Variants in CILP observed in about 807,000 individuals in gnomAD.
The protein encoded by CILP is cartilage intermediate layer protein.
A neutral mutation model predicts 82.5 loss-of-function variants in CILP; 75 were observed. The ratio of observed to expected loss-of-function variants is 0.91; its 90% CI spans 0.75 to 1.10. The LOEUF is 1.10. CILP is among the 50% of genes least tolerant of loss of function. The pLI is 0.00. For missense variants in CILP, 1,479 were observed against 1,530.8 expected (o/e 0.97, Z 0.56); for synonymous variants, 530 against 580.3 (o/e 0.91, Z 1.25).
In CILP at chr15:65,198,309, C is replaced by T. The variant is rs1171142109; in HGVS notation, c.1977G>A (p.Met659Ile). ...CCTCATCTCTGAAGTCCACAGAGAA[C>T]ATGCCATACGTCCGAAGGGGGAAAG... Reference protein sequence around the residue: ...GDTFPLRTYGMFSVDFRDEVT... With the variant: ...GDTFPLRTYGIFSVDFRDEVT... Residue 659 changes from methionine (M) to isoleucine (I), a missense_variant, in exon 9 of 9, where the codon ATG becomes ATA. Met to Ile is a conservative substitution (Grantham distance 10). Coordinates refer to ENST00000261883, the MANE Select transcript of CILP (RefSeq NM_003613.4). 6 of 1,614,108 alleles carry T rather than the reference C, an allele frequency of 3.7e-6. No individual in the cohort carries two copies. The highest frequency in any genetic ancestry group is 1.1e-5 in the South Asian group (1 of 91,096).
rs971314078 is a variant in CILP, at chr15:65,201,829, C to A, written c.1186+43G>T. The A allele has an allele frequency of 2.1e-6, 3 of 1,423,766 alleles. No individual in the cohort carries two copies. In the African/African-American group the frequency reaches 4.4e-5, roughly 21 times the overall value. 88.2% of individuals were successfully genotyped at this position (1,423,766 alleles called of 1,614,324 possible). On this transcript the variant is annotated intron_variant, in intron 8 of 8. Transcript: ENST00000261883. ...ATGCCCACCTGGGTGCTCAGCCAAC[C>A]CTGTTGCAGACCCAGGGGCCCCAGG...
rs1357351414 is a variant in CILP at position 65,197,150 on chromosome 15, G to A, written c.3136C>T (p.Leu1046=). ...ASVNPMLHEY[L]VNHLPLAVNN... Reference sequence around the variant, plus strand: ...ACTGCAAGTGGCAAGTGGTTGACCAGGTACTCATGCAGCATGGGGTTCACA... The same window carrying A: ...ACTGCAAGTGGCAAGTGGTTGACCAAGTACTCATGCAGCATGGGGTTCACA... The change falls in exon 9 of 9, where the codon CTG becomes TTG. Residue 1046 remains leucine, a synonymous_variant. Transcript: ENST00000261883. The A allele has an allele frequency of 3.7e-6, 6 of 1,614,040 alleles. No homozygotes were observed. The highest frequency in any genetic ancestry group is 5.1e-6 in the Non-Finnish European group (6 of 1,179,978).
Position 65,205,466 on chromosome 15 carries a change from C to A in CILP, c.425G>T (p.Gly142Val). The A allele has an allele frequency of 6.2e-7, 1 of 1,603,362 alleles. No individual in the cohort carries two copies. Among genetic ancestry groups the A allele is most frequent in the South Asian group, 1.1e-5 (1 of 90,496 alleles). Residue 142 changes from glycine (G) to valine (V), a missense_variant and splice_region_variant, in exon 5 of 9, where the codon GGA becomes GTA. Physicochemically the swap from Gly to Val is moderately radical, Grantham distance 109. Transcript: ENST00000261883. ...NYTVRFLCPP[G>V]SLRRDTERIW... ...GCGCTCTGTGTCTCGGCGCAGGGAT[C>A]CTGCAAAGTGAGATCAGCAGACGGT...
Position 65,207,704 on chromosome 15 carries a change from C to T in CILP, c.122G>A (p.Ser41Asn). 3.7e-6 allele frequency: 6 copies of T among 1,614,150 alleles called. No homozygotes were observed. The highest frequency in any genetic ancestry group is 5.1e-6 in the Non-Finnish European group (6 of 1,180,018). Residue 41 changes from serine to asparagine, a missense_variant, in exon 3 of 9, where the codon AGC (serine) becomes AAC (asparagine). Physicochemically the swap from Ser to Asn is conservative, Grantham distance 46. Transcript: ENST00000261883. The stretch of plus-strand genomic sequence containing the variant: ...GGTGTCGGCAGGCTTGGCAAAGATG[C>T]TGGGGTTCTTCTTCCCAGGCTGGAC... ...RRVQPGKKNP[S>N]IFAKPADTLE...
Position 65,203,380 on chromosome 15 carries a change from C to G in CILP, c.1010G>C (p.Arg337Thr), listed in dbSNP as rs1373640539. ...TACGCACCAAAAATACTTGTCTGGC[C>G]TGGGCTTCCCTGTGGCCTTACAGCA... is the stretch of plus-strand genomic sequence containing the variant. ...SLCCKATGKP[R>T]PDKYFWYHND... Residue 337 changes from arginine to threonine, a missense_variant, in exon 7 of 9, where the codon AGG becomes ACG. Physicochemically the swap from Arg to Thr is moderately conservative, Grantham distance 71. Coordinates refer to ENST00000261883, the MANE Select transcript of CILP (RefSeq NM_003613.4). The G allele has an allele frequency of 1.9e-6, 3 of 1,613,510 alleles. No individual in the cohort carries two copies. The East Asian group carries it at 6.7e-5, about 36-fold the overall frequency.
intron 8 of CILP, 100 bp from the exon 9 acceptor site, chr15:65,199,199 G>T: frequency 1.3e-6 from 1 of 777,610 alleles, no homozygotes; most frequent in Non-Finnish European, 2.0e-6. Context: ...GTTTTCAAAG[G>T]ACTTGTATAT....
At chr15:65,209,576 G>T in intron 2 of CILP, 119 bp downstream of exon 2, 1 of 796,278 alleles carries the variant, frequency 1.3e-6, no homozygotes, top group Non-Finnish European at 2.1e-6. Flanking sequence ...CCATAAAGTG[G>T]CCTCAGGTCT....
intron 4 of CILP, 66 bp from the exon 5 acceptor site, chr15:65,205,532 C>A: frequency 6.9e-7 from 1 of 1,444,820 alleles, no homozygotes; most frequent in Non-Finnish European, 9.3e-7. Flanking sequence ...GAAATCTGAC[C>A]CTGAGGCTGT....
At position 65,207,074 on chromosome 15, in the gene CILP, G is replaced by A. The variant is rs373428149; in HGVS notation, c.155-23C>T. 144 of 1,599,914 alleles carry A rather than the reference G, an allele frequency of 9.0e-5. 1 individual carries two copies. The highest frequency in any genetic ancestry group is 2.8e-4 in the South Asian group (25 of 90,532). ...GGCCTGAGAGACATAGCCAAATTGC[G>A]GAGGAGCCGTGATCCTGGTGCGCTC... On this transcript the variant is annotated intron_variant, in intron 3 of 8. Coordinates refer to ENST00000261883, the MANE Select transcript of CILP (RefSeq NM_003613.4).
At chr15:65,199,552 G>C (rs1305888157) in intron 8 of CILP, among the ~76,000 whole-genome samples, 1 of 152,244 alleles carries the variant, frequency 6.6e-6, no homozygotes, top group African/African-American at 2.4e-5. Flanking sequence ...GCCGGATGCA[G>C]TGGCTCACAC....
intron 5 of CILP, among the ~76,000 whole-genome samples, chr15:65,205,046 C>A (rs2088502070): frequency 6.6e-6 from 1 of 151,744 alleles, no homozygotes. Flanking sequence ...AACAACTTAG[C>A]CCAAAACACC....
In CILP at chr15:65,195,708, A is replaced by G. The variant is rs1217717035; in HGVS notation, c.*1023T>C. 1 of 152,272 alleles carries G rather than the reference A, an allele frequency of 6.6e-6. No individual in the cohort carries two copies. Among genetic ancestry groups the G allele is most frequent in the Non-Finnish European group, 1.5e-5 (1 of 68,052 alleles). The allele number at this position is 152,272 out of a possible 1,614,324, so 9.4% of individuals were successfully genotyped here. A position where few individuals can be genotyped will look rare whatever the true frequency, so the allele number is the denominator to read the frequency against. ...GGCCAGCTTGTCAGACCCTGGGCCA[A>G]GCCATTGTATAAGCTCCAAAGTATT... is the stretch of plus-strand genomic sequence containing the variant. On this transcript the variant is annotated 3_prime_UTR_variant, in exon 9 of 9. Transcript: ENST00000261883.
intron 3 of CILP, 31 bp from the exon 4 acceptor site, chr15:65,207,082 C>G (rs183638630): frequency 4.4e-6 from 7 of 1,595,830 alleles, no homozygotes; most frequent in African/African-American, 4.0e-5. Context: ...GCGGAGGAGC[C>G]GTGATCCTGG....
At chr15:65,208,734 G>A (rs2088549242) in intron 2 of CILP, among the ~76,000 whole-genome samples, 1 of 152,240 alleles carries the variant, frequency 6.6e-6, no homozygotes, top group South Asian at 2.1e-4. Flanking sequence ...GAGGGCTGCA[G>A]AAGCTTTGAC....
Position 65,196,815 on chromosome 15 carries a change from TCG to T in CILP, c.3469_3470del (p.Arg1157SerfsTer19). 6.2e-7 allele frequency: 1 copy of T among 1,609,914 alleles called. No homozygotes were observed. Among genetic ancestry groups the T allele is most frequent in the Non-Finnish European group, 8.5e-7 (1 of 1,177,180 alleles). Reference sequence around the variant, plus strand: ...CCTGGCGCTGGCCACCCCTGCTCGCTCGCTGCTGCCTCCTCGAGGGCACTCTT... The same window carrying T: ...CCTGGCGCTGGCCACCCCTGCTCGCTCTGCTGCCTCCTCGAGGGCACTCTT... ...QGRVPSRRQQ[R>X]ASRGGQRQGG... On this transcript the variant is annotated frameshift_variant, in exon 9 of 9. Coordinates refer to ENST00000261883, the MANE Select transcript of CILP (RefSeq NM_003613.4). LOFTEE classifies it low-confidence loss of function (END_TRUNC).
chr15:65,205,375 A>T lies in CILP; in HGVS notation c.516T>A (p.Thr172=). 1 of 1,614,098 alleles carries T rather than the reference A, an allele frequency of 6.2e-7. No individual in the cohort carries two copies. The highest frequency in any genetic ancestry group is 1.3e-5 in the African/African-American group (1 of 75,050). ...TCTCTGCCAAGCAAATGCGTGTGCGAGTCTGGACCCCAGTCTGACCACAGG... is the reference window on the plus strand; with the variant it reads ...TCTCTGCCAAGCAAATGCGTGTGCGTGTCTGGACCCCAGTCTGACCACAGG... The part of the protein sequence containing the change: ...SAACGQTGVQ[T]RTRICLAEMV... The change falls in exon 5 of 9, where the codon ACT becomes ACA. Residue 172 remains threonine, a synonymous_variant. Transcript: ENST00000261883.
chr15:65,205,987 G>A (rs1003545476), intron 4 of CILP, among the ~76,000 whole-genome samples: 7 of 152,166 alleles, frequency 4.6e-5, no homozygotes, highest in African/African-American at 1.4e-4. Flanking sequence ...CACCACTGGC[G>A]TCTGGGCCTG....
chr15:65,204,279 A>C lies in CILP; in HGVS notation c.908T>G (p.Phe303Cys), dbSNP rs749851177. ...SLKAATIKAEFVRAETPYMVM... is the reference protein window; with the variant it reads ...SLKAATIKAECVRAETPYMVM... ...AAGAATTTAGTTACCTGCCCTCACA[A>C]ACTCTGCCTTGATGGTGGCTGCCTT... Residue 303 changes from phenylalanine (F) to cysteine (C), a missense_variant, in exon 6 of 9, where the codon TTT (phenylalanine) becomes TGT (cysteine). Coordinates refer to ENST00000261883, the MANE Select transcript of CILP (RefSeq NM_003613.4). 1.2e-6 allele frequency: 2 copies of C among 1,613,648 alleles called. No homozygotes were observed. The highest frequency in any genetic ancestry group is 3.3e-5 in the Admixed American group (2 of 59,874).
intron 8 of CILP, among the ~76,000 whole-genome samples, chr15:65,200,922 C>G (rs573739945): frequency 3.7e-4 from 56 of 152,362 alleles, no homozygotes; most frequent in Admixed American, 1.2e-3. Flanking sequence ...CATCCATGGT[C>G]ACTCCCACCT....
Sources: gnomAD v4.1 joint callset for allele counts (sites outside exome capture counted in the v4.1 genomes callset) on GRCh38, gnomAD v4.1.1 for gene constraint, MANE v1.5 for transcripts, NCBI Gene and HGNC (gene_info 2026-07-23, HGNC 2026-07-21) for gene names.